The following GPC5 variants were observed in gnomAD, a reference collection of about 807,000 sequenced individuals.
The protein encoded by GPC5 is glypican 5.
GPC5 carries 47 observed loss-of-function variants against 53.9 expected under a neutral mutation model. The observed-to-expected ratio is 0.87, with a 90% CI of 0.69 to 1.11. The LOEUF is 1.11. GPC5 is among the 50% of genes most tolerant of loss of function. GPC5 has a pLI of 0.00. For synonymous variants in GPC5, 286 were observed against 263.3 expected (o/e 1.09, Z -0.84); for missense variants, 748 against 713.1 (o/e 1.05, Z -0.56).
intron 5 of GPC5, among the ~76,000 whole-genome samples, chr13:91,836,899 A>C (rs1260154219): frequency 6.6e-6 from 1 of 151,424 alleles, no homozygotes; most frequent in Non-Finnish European, 1.5e-5. Flanking sequence ...ATGGCAGTTA[A>C]ATTGTTTGGT....
intron 7 of GPC5, among the ~76,000 whole-genome samples, chr13:92,739,862 CA>C (rs369047200): frequency 6.6e-6 from 1 of 151,862 alleles, no homozygotes; most frequent in Admixed American, 6.6e-5. Flanking sequence ...ACAAAACAAA[CA>C]AAAAAACACT....
intron 4 of GPC5, among the ~76,000 whole-genome samples, chr13:91,751,039 T>C (rs1458926996): frequency 6.6e-6 from 1 of 152,088 alleles, no homozygotes; most frequent in Non-Finnish European, 1.5e-5. Context: ...ATTATTTTTG[T>C]TTAATATACC....
chr13:92,164,937 A>T (rs2042016531), intron 7 of GPC5, among the ~76,000 whole-genome samples: 1 of 152,244 alleles, frequency 6.6e-6, no homozygotes, highest in African/African-American at 2.4e-5. Flanking sequence ...CACCCTCTGA[A>T]GCAATGGCCT....
intron 5 of GPC5, among the ~76,000 whole-genome samples, chr13:91,831,866 G>C (rs1255587842): frequency 6.6e-6 from 1 of 152,028 alleles, no homozygotes; most frequent in Admixed American, 6.6e-5. Context: ...GCTGAGGAGT[G>C]CTTTACTTCC....
In GPC5 at chr13:92,677,919, A is replaced by G. The variant is rs573875354; in HGVS notation, c.1562-188363A>G. ...AGGGTTGTCATATTTGAAAAAAATA[A>G]CAATAGGCTTTGATTAAAATACTTG... On this transcript the variant is annotated intron_variant, in intron 7 of 7. Coordinates refer to ENST00000377067, the MANE Select transcript of GPC5 (RefSeq NM_004466.6). Among the ~76,000 whole-genome samples the G allele has an allele frequency of 5.9e-5, 9 of 152,318 alleles. No homozygotes were observed. The East Asian group carries it at 1.7e-3, about 29-fold the overall frequency.
At chr13:92,029,507 C>T (rs540196971) in intron 6 of GPC5, among the ~76,000 whole-genome samples, 26 of 152,272 alleles carry the variant, frequency 1.7e-4, no homozygotes, top group African/African-American at 5.3e-4. Flanking sequence ...GACAACTTCT[C>T]GGGTTCAACA....
intron 6 of GPC5, among the ~76,000 whole-genome samples, chr13:92,020,683 C>CTTTTTTTTTT (rs71113782): frequency 1.4e-5 from 2 of 140,650 alleles, no homozygotes; most frequent in Non-Finnish European, 1.5e-5. Context: ...TTAGTTTATT[C>CTTTTTTTTTT]TTTTTTTTTT....
chr13:91,481,112 C>G (rs1264617939), intron 2 of GPC5, among the ~76,000 whole-genome samples: 1 of 152,138 alleles, frequency 6.6e-6, no homozygotes, highest in East Asian at 1.9e-4. Context: ...ATCTGGCTCT[C>G]TCTGCCATGT....
chr13:92,519,391 C>T (rs1056869242), intron 7 of GPC5, among the ~76,000 whole-genome samples: 1 of 152,172 alleles, frequency 6.6e-6, no homozygotes. Flanking sequence ...AAACACTCCT[C>T]AGCAAATGTA....
At chr13:91,870,882 C>T (rs1027751045) in intron 5 of GPC5, among the ~76,000 whole-genome samples, 1 of 152,166 alleles carries the variant, frequency 6.6e-6, no homozygotes, top group Non-Finnish European at 1.5e-5. Flanking sequence ...TATTCCTTAT[C>T]TGAAATGCTT....
chr13:92,752,632 G>A (rs755040520), intron 7 of GPC5, among the ~76,000 whole-genome samples: 15 of 152,124 alleles, frequency 9.9e-5, no homozygotes, highest in East Asian at 5.8e-4. Flanking sequence ...GTGGGTGCGC[G>A]CACCGTGCGC....
intron 1 of GPC5, among the ~76,000 whole-genome samples, chr13:91,430,695 C>T (rs1879383155): frequency 6.6e-6 from 1 of 152,156 alleles, no homozygotes; most frequent in Admixed American, 6.5e-5. Context: ...ACATTATACT[C>T]ACTCTATACT....
intron 7 of GPC5, among the ~76,000 whole-genome samples, chr13:92,209,456 G>A (rs994132244): frequency 1.3e-5 from 2 of 152,094 alleles, no homozygotes; most frequent in Non-Finnish European, 2.9e-5. Context: ...TTGAAATGCT[G>A]AACTCCACTC....
At chr13:91,448,500 A>T (rs766286510) in intron 1 of GPC5, among the ~76,000 whole-genome samples, 20 of 152,204 alleles carry the variant, frequency 1.3e-4, no homozygotes, top group African/African-American at 4.1e-4. Context: ...ATAGTAGTTA[A>T]TTTGCTTTCT....
At chr13:91,761,846 C>T (rs1245845737) in intron 5 of GPC5, among the ~76,000 whole-genome samples, 1 of 152,068 alleles carries the variant, frequency 6.6e-6, no homozygotes, top group African/African-American at 2.4e-5. Flanking sequence ...CATTGGTGAT[C>T]AACTTGACCT....
intron 7 of GPC5, among the ~76,000 whole-genome samples, chr13:92,611,312 GT>G (rs1566318874): frequency 6.6e-6 from 1 of 152,120 alleles, no homozygotes; most frequent in Non-Finnish European, 1.5e-5. Flanking sequence ...GACTTAGGCT[GT>G]AATCCCAGGA....
intron 6 of GPC5, among the ~76,000 whole-genome samples, chr13:92,111,528 A>G (rs1036428276): frequency 6.6e-6 from 1 of 152,142 alleles, no homozygotes; most frequent in East Asian, 1.9e-4. Context: ...CTTGAATAAC[A>G]TCAGTTAGCA....
chr13:92,505,206 A>G (rs148479814), intron 7 of GPC5, among the ~76,000 whole-genome samples: 1,552 of 152,046 alleles, frequency 0.01, 26 homozygotes, highest in African/African-American at 0.036. Context: ...AAGAGCAAAA[A>G]TATGTTCAAG....
chr13:91,553,498 G>C (rs900615281), intron 2 of GPC5, among the ~76,000 whole-genome samples: 7 of 152,008 alleles, frequency 4.6e-5, no homozygotes, highest in African/African-American at 1.7e-4. Flanking sequence ...TTTTCTAAAT[G>C]AGTTTTCTGT....
Sources: gnomAD v4.1 joint callset for allele counts (sites outside exome capture counted in the v4.1 genomes callset) on GRCh38, gnomAD v4.1.1 for gene constraint, MANE v1.5 for transcripts, NCBI Gene and HGNC (gene_info 2026-07-23, HGNC 2026-07-21) for gene names.